The following DRC7 variants were observed in gnomAD, a reference collection of about 807,000 sequenced individuals.
The protein encoded by DRC7 is coiled-coil domain containing 135.
Under a neutral mutation model 104.4 loss-of-function variants are expected in DRC7, and 80 were observed. The ratio of observed to expected loss-of-function variants is 0.77; its 90% CI spans 0.64 to 0.92. The LOEUF is 0.92. Ranked by LOEUF, DRC7 falls within the 40% of genes least tolerant of loss-of-function variation. The pLI is 0.00. For synonymous variants in DRC7, 405 were observed against 447.3 expected (o/e 0.91, Z 1.19); for missense variants, 1,034 against 1,141.1 (o/e 0.91, Z 1.35).
intron 8 of DRC7, among the ~76,000 whole-genome samples, chr16:57,709,577 C>A (rs1815101673): frequency 6.6e-6 from 1 of 151,718 alleles, no homozygotes; most frequent in African/African-American, 2.4e-5. Flanking sequence ...TTTTTTTCAT[C>A]TATTAAATGA....
chr16:57,727,473 G>A, intron 16 of DRC7, 64 bp downstream of exon 16: 9 of 1,248,848 alleles, frequency 7.2e-6, no homozygotes, highest in Admixed American at 1.7e-5. Context: ...CCAGGGTGGT[G>A]GGGACCATGA....
At chr16:57,728,368 T>G (rs1306374121) in intron 16 of DRC7, 22 bp from the exon 17 acceptor site, 1 of 1,553,296 alleles carries the variant, frequency 6.4e-7, no homozygotes, top group Non-Finnish European at 8.7e-7. Context: ...CTGATCCAGC[T>G]ATCTGCCCCT....
chr16:57,715,330 A>G (rs57298804), intron 8 of DRC7, among the ~76,000 whole-genome samples: 9,252 of 152,256 alleles, frequency 0.061, 576 homozygotes, highest in East Asian at 0.23. Context: ...GATTACAGGC[A>G]TGAGCCACTG....
Position 57,726,271 on chromosome 16 carries a change from C to G in DRC7, c.1962C>G (p.Cys654Trp). Residue 654 changes from cysteine (C) to tryptophan (W), a missense_variant, in exon 14 of 19, where the codon TGC becomes TGG. Transcript: ENST00000360716. ...AGATCATCATGACGCCCGACATGTG[C>G]ATCAGCTTCGAGGTGGGCCTGGGGG... ...GNKIIMTPDMCISFEVEPMEH... is the reference protein window; with the variant it reads ...GNKIIMTPDMWISFEVEPMEH... The G allele has an allele frequency of 6.2e-7, 1 of 1,611,032 alleles. No individual in the cohort carries two copies. Among genetic ancestry groups the G allele is most frequent in the South Asian group, 1.1e-5 (1 of 91,056 alleles).
At chr16:57,709,656 G>A (rs929471364) in intron 8 of DRC7, among the ~76,000 whole-genome samples, 1 of 152,092 alleles carries the variant, frequency 6.6e-6, no homozygotes, top group Non-Finnish European at 1.5e-5. Flanking sequence ...AAATTGAGGT[G>A]TAATTGACAT....
chr16:57,730,375 G>A (rs138771711), intron 17 of DRC7, among the ~76,000 whole-genome samples: 2,624 of 146,122 alleles, frequency 0.018, 60 homozygotes, highest in African/African-American at 0.06. Flanking sequence ...ATAGATGGAC[G>A]GTTGGATGGA....
At chr16:57,705,145 G>C in intron 7 of DRC7, 111 bp downstream of exon 7, 20 of 1,236,364 alleles carry the variant, frequency 1.6e-5, no homozygotes, top group Non-Finnish European at 2.2e-5. Flanking sequence ...CCCCCAACTA[G>C]GTCCACCTCA....
intron 8 of DRC7, chr16:57,714,575 A>C (rs537866916): frequency 6.0e-6 from 1 of 166,442 alleles, no homozygotes; most frequent in East Asian, 1.9e-4. Context: ...GCAGTAAGCC[A>C]TGATTGTGCC....
chr16:57,729,338 A>G (rs2049017559), intron 17 of DRC7, among the ~76,000 whole-genome samples: 4 of 129,198 alleles, frequency 3.1e-5, no homozygotes, highest in African/African-American at 3.0e-5. Flanking sequence ...GGATGGATGG[A>G]TGGGTGGATG....
chr16:57,726,448 T>G, intron 14 of DRC7, 165 bp downstream of exon 14: 1 of 639,966 alleles, frequency 1.6e-6, no homozygotes, highest in Non-Finnish European at 2.7e-6. Flanking sequence ...TGGGGACCCT[T>G]CTCTTTGAGC....
rs2048815691 is a variant in DRC7 at position 57,713,996 on chromosome 16, T to C, written c.1078-4351T>C. On this transcript the variant is annotated intron_variant, in intron 8 of 18. Transcript: ENST00000360716. ...TCACAGGCTTAACACCAAAACTGCC[T>C]GGGAGTCCATGGTCAAGTTTTGCAG... The C allele has an allele frequency of 3.4e-5, 7 of 205,008 alleles. 1 individual carries two copies. The South Asian group carries it at 5.8e-4, about 17-fold the overall frequency. The allele number at this position is 205,008 out of a possible 1,614,324, so 12.7% of individuals were successfully genotyped here.
rs1459492370 is a variant in DRC7 at position 57,700,152 on chromosome 16, T to C, written c.386T>C (p.Val129Ala). Reference protein sequence around the residue: ...PLNECEVPKFVSTTLRPTLMP... With the variant: ...PLNECEVPKFASTTLRPTLMP... ...CCATCTCTCTCCTTGCAGAAGTTCG[T>C]GAGCACAACCCTCCGGCCCACACTG... Residue 129 changes from valine to alanine, a missense_variant, in exon 5 of 19, where the codon GTG (valine) becomes GCG (alanine). By Grantham distance (64) the Val-to-Ala change is moderately conservative (BLOSUM62 0). Coordinates refer to ENST00000360716, the MANE Select transcript of DRC7 (RefSeq NM_001289162.2). 13 of 1,613,632 alleles carry C rather than the reference T, an allele frequency of 8.1e-6. No individual in the cohort carries two copies. The highest frequency in any genetic ancestry group is 1.3e-5 in the African/African-American group (1 of 74,936).
rs1279392609 is a variant in DRC7 at position 57,726,090 on chromosome 16, G to T, written c.1781G>T (p.Arg594Leu). The change falls in exon 14 of 19, where the codon CGC becomes CTC. Residue 594 changes from arginine to leucine, a missense_variant. By Grantham distance (102) the Arg-to-Leu change is moderately radical (BLOSUM62 -2). Coordinates refer to ENST00000360716, the MANE Select transcript of DRC7 (RefSeq NM_001289162.2). ...CAGAAAATCACAGAGCGGTTCTTCCGCAACCCAGCGAAGCCCGCGGAGGAG... is the reference window on the plus strand; with the variant it reads ...CAGAAAATCACAGAGCGGTTCTTCCTCAACCCAGCGAAGCCCGCGGAGGAG... ...PIVKITERFFRNPAKPAEEDV... is the reference protein window; with the variant it reads ...PIVKITERFFLNPAKPAEEDV... 5.6e-6 allele frequency: 9 copies of T among 1,613,158 alleles called. 1 individual carries two copies. The highest frequency in any genetic ancestry group is 1.3e-5 in the African/African-American group (1 of 74,938).
At chr16:57,720,952 C>T (rs2148763456) in intron 9 of DRC7, among the ~76,000 whole-genome samples, 2 of 152,162 alleles carry the variant, frequency 1.3e-5, no homozygotes, top group South Asian at 4.1e-4. Flanking sequence ...AATCCCAGCA[C>T]TATGGGAGGC....
chr16:57,720,864 G>A (rs1197729445), intron 9 of DRC7, among the ~76,000 whole-genome samples: 1 of 152,118 alleles, frequency 6.6e-6, no homozygotes, highest in Non-Finnish European at 1.5e-5. Context: ...TATCTAGATC[G>A]GGCCTTATTT....
chr16:57,705,282 T>C (rs1175786450), intron 7 of DRC7, among the ~76,000 whole-genome samples: 10 of 152,002 alleles, frequency 6.6e-5, no homozygotes, highest in Admixed American at 1.3e-4. Context: ...GCTAGGCAGC[T>C]CTGGTGTCCT....
In DRC7 at chr16:57,731,358, C is replaced by T. The variant is rs2148782338; in HGVS notation, c.*100C>T. ...TCTATCCAGCCAATGCCTGTTTACA[C>T]AGACACCTGGCCTCACTGCCAGCCC... On this transcript the variant is annotated 3_prime_UTR_variant, in exon 19 of 19. Coordinates refer to ENST00000360716, the MANE Select transcript of DRC7 (RefSeq NM_001289162.2). 2 of 898,248 alleles carry T rather than the reference C, an allele frequency of 2.2e-6. No homozygotes were observed. Among genetic ancestry groups the T allele is most frequent in the Non-Finnish European group, 1.8e-6 (1 of 567,940 alleles). The allele number at this position is 898,248 out of a possible 1,614,324, so 55.6% of individuals were successfully genotyped here. A position where few individuals can be genotyped will look rare whatever the true frequency, so the allele number is the denominator to read the frequency against.
intron 12 of DRC7, among the ~76,000 whole-genome samples, chr16:57,723,880 C>G (rs866182860): frequency 8.1e-4 from 123 of 151,864 alleles, no homozygotes; most frequent in African/African-American, 2.8e-3. Context: ...CATCTTATAA[C>G]CCCCATGTTG....
At chr16:57,712,265 A>G (rs113217767) in intron 8 of DRC7, among the ~76,000 whole-genome samples, 1 of 152,336 alleles carries the variant, frequency 6.6e-6, no homozygotes, top group African/African-American at 2.4e-5. Context: ...AGGCAGTTCC[A>G]CAGTCACATT....
Sources: allele counts gnomAD v4.1 joint callset (sites outside exome capture counted in the v4.1 genomes callset), GRCh38; gene constraint gnomAD v4.1.1; transcripts MANE v1.5; gene names NCBI Gene and HGNC (gene_info 2026-07-23, HGNC 2026-07-21).